Variants in SMPD4 observed in about 807,000 individuals in gnomAD.
The protein encoded by SMPD4 is neutral sphingomyelinase 3.
Under a neutral mutation model 97.8 loss-of-function variants are expected in SMPD4, and 58 were observed. The ratio of observed to expected loss-of-function variants is 0.59; its 90% CI spans 0.48 to 0.74. The LOEUF (loss-of-function observed/expected upper bound fraction) is 0.74, where lower values mean the gene tolerates loss of function less well. Among genes scored for constraint, SMPD4 ranks in the 30% least tolerant of loss-of-function variants. The pLI, the probability that SMPD4 is intolerant of heterozygous loss-of-function variation, is 0.00. For synonymous variants in SMPD4, 388 were observed against 450.0 expected (o/e 0.86, Z 1.74); for missense variants, 853 against 1,080.5 (o/e 0.79, Z 2.95).
At position 130,172,882 on chromosome 2, in the gene SMPD4, G is replaced by A. The variant is rs371365068; in HGVS notation, c.359C>T (p.Ala120Val). 8 of 1,612,038 alleles carry A rather than the reference G, an allele frequency of 5.0e-6. No individual in the cohort carries two copies. The highest frequency in any genetic ancestry group is 3.3e-5 in the South Asian group (3 of 90,900). ...PVSYLPGPVK[A>V]SIQECILPDS... ...AGGGAGGATGCACTCCTGGATGGAC[G>A]CCTTCACAGGACCCTGCAGAGAGAG... The change falls in exon 6 of 20, where the codon GCG becomes GTG. Residue 120 changes from alanine to valine, a missense_variant. By Grantham distance (64) the Ala-to-Val change is moderately conservative (BLOSUM62 0). Transcript: ENST00000680298.
At position 130,161,226 on chromosome 2, in the gene SMPD4, C is replaced by G. The variant is rs1251004663; in HGVS notation, c.911G>C (p.Ser304Thr). The G allele has an allele frequency of 1.2e-6, 2 of 1,613,758 alleles. No homozygotes were observed. The highest frequency in any genetic ancestry group is 2.7e-5 in the African/African-American group (2 of 74,906). Residue 304 changes from serine (S) to threonine (T), a missense_variant, in exon 11 of 20, where the codon AGC becomes ACC. By Grantham distance (58) the Ser-to-Thr change is moderately conservative. Transcript: ENST00000680298. ...GGCCTGGAGGCTGGGTTGGGCGGGG[C>G]TGTAGAGGGCGCTGGAGACACTGAG... ...YRLSVSSALY[S>T]PAQPSLQALH...
Position 130,153,929 on chromosome 2 carries a change from G to A in SMPD4, c.1666C>T (p.Arg556Cys), listed in dbSNP as rs375442627. 6.2e-6 allele frequency: 10 copies of A among 1,612,998 alleles called. No homozygotes were observed. The highest frequency in any genetic ancestry group is 1.7e-5 in the Admixed American group (1 of 59,984). ...GCCTGTGTGATGAGCTGAGCGAGGC[G>A]CAGGACCTGCAAGGGAGGCGCGGGC... is the stretch of plus-strand genomic sequence containing the variant. ...FGPEARTLVL[R>C]LAQLITQAKH... is the part of the protein sequence containing the mutation. Residue 556 changes from arginine to cysteine, a missense_variant, in exon 17 of 20, where the codon CGC becomes TGC. Transcript: ENST00000680298.
chr2:130,175,250 C>A (rs999337715), intron 2 of SMPD4, among the ~76,000 whole-genome samples: 1 of 152,140 alleles, frequency 6.6e-6, no homozygotes, highest in Non-Finnish European at 1.5e-5. Context: ...GAGTGCTGCA[C>A]ATGATCAGAA....
In SMPD4 at chr2:130,157,262, C is replaced by T. The variant is rs1344606973; in HGVS notation, c.1086G>A (p.Glu362=). 7 of 1,546,448 alleles carry T rather than the reference C, an allele frequency of 4.5e-6. No homozygotes were observed. In the South Asian group the frequency reaches 7.2e-5, roughly 16 times the overall value. The change falls in exon 12 of 20, where the codon GAG becomes GAA. Residue 362 remains glutamate, a synonymous_variant. Coordinates refer to ENST00000680298, the MANE Select transcript of SMPD4 (RefSeq NM_017951.5). The part of the protein sequence containing the change: ...SAHSHATSPL[E]EFKRAAVPRF... ...CAAGGGCCACCCACCGTTTGAACTC[C>T]TCCAGGGGGCTGGTGGCGTGGGAGT... is the stretch of plus-strand genomic sequence containing the variant.
chr2:130,172,969 C>T (rs1254437948), intron 5 of SMPD4, 74 bp from the exon 6 acceptor site: 2 of 1,534,226 alleles, frequency 1.3e-6, no homozygotes, highest in Non-Finnish European at 1.8e-6. Context: ...CCCACATGCA[C>T]AGCAGCACTT....
chr2:130,158,121 G>GAGTA (rs1401976731), intron 11 of SMPD4: 1 of 1,110,240 alleles, frequency 9.0e-7, no homozygotes, highest in East Asian at 6.1e-5. Context: ...GCGTGGGTGA[G>GAGTA]AGTAAGACCT....
intron 12 of SMPD4, 90 bp from the exon 13 acceptor site, chr2:130,156,765 G>C (rs1686840899): frequency 1.3e-6 from 2 of 1,556,272 alleles, no homozygotes; most frequent in South Asian, 2.4e-5. Flanking sequence ...GTGAGGGTTG[G>C]CTCCGCCGGG....
rs769086776 is a variant in SMPD4 at position 130,152,724 on chromosome 2, C to T, written c.2315G>A (p.Arg772His). ...CAGCGTCCGGTAACTGCCCAGGAAGCGCAGGCTGAGCCTGGGGCCGCGGGT... is the reference window on the plus strand; with the variant it reads ...CAGCGTCCGGTAACTGCCCAGGAAGTGCAGGCTGAGCCTGGGGCCGCGGGT... ...GHTRGPRLSL[R>H]FLGSYRTLVS... Residue 772 changes from arginine to histidine, a missense_variant, in exon 20 of 20, where the codon CGC (arginine) becomes CAC (histidine). By Grantham distance (29) the Arg-to-His change is conservative. Coordinates refer to ENST00000680298, the MANE Select transcript of SMPD4 (RefSeq NM_017951.5). 17 of 1,585,836 alleles carry T rather than the reference C, an allele frequency of 1.1e-5. No homozygotes were observed. The highest frequency in any genetic ancestry group is 3.6e-5 in the Admixed American group (2 of 55,202).
intron 3 of SMPD4, among the ~76,000 whole-genome samples, chr2:130,174,275 C>T (rs947400641): frequency 6.6e-6 from 1 of 152,162 alleles, no homozygotes; most frequent in Non-Finnish European, 1.5e-5. Flanking sequence ...CCCACCTCGG[C>T]CTCCCAAAGT....
intron 3 of SMPD4, 79 bp downstream of exon 3, chr2:130,174,835 G>A (rs1688816879): frequency 9.1e-7 from 1 of 1,095,054 alleles, no homozygotes; most frequent in Non-Finnish European, 1.4e-6. Context: ...GGGGCGGGGA[G>A]GGAAATTAGG....
Position 130,152,324 on chromosome 2 carries a change from C to T in SMPD4, c.*231G>A, listed in dbSNP as rs1686313087. ...GGAAAGGCCGCCGCTGAGCTCTGCG[C>T]TGTCACAGAGCGTAGCTGTTGAGCC... is the stretch of plus-strand genomic sequence containing the variant. On this transcript the variant is annotated 3_prime_UTR_variant, in exon 20 of 20. Coordinates refer to ENST00000680298, the MANE Select transcript of SMPD4 (RefSeq NM_017951.5). The T allele has an allele frequency of 3.6e-6, 2 of 559,096 alleles. No individual in the cohort carries two copies. The highest frequency in any genetic ancestry group is 6.3e-6 in the Non-Finnish European group (2 of 316,536). The allele number at this position is 559,096 out of a possible 1,614,324, so 34.6% of individuals were successfully genotyped here. A position where few individuals can be genotyped will look rare whatever the true frequency, so the allele number is the denominator to read the frequency against.
At chr2:130,170,866 G>A (rs1400633762) in intron 8 of SMPD4, among the ~76,000 whole-genome samples, 1 of 151,932 alleles carries the variant, frequency 6.6e-6, no homozygotes, top group Non-Finnish European at 1.5e-5. Flanking sequence ...TTTGAGGCCA[G>A]CCTGGCCAAC....
At chr2:130,165,931 G>A (rs1687885873) in intron 9 of SMPD4, among the ~76,000 whole-genome samples, 1 of 152,102 alleles carries the variant, frequency 6.6e-6, no homozygotes, top group Admixed American at 6.5e-5. Flanking sequence ...ACAACAACAT[G>A]ACTGTATTCA....
intron 8 of SMPD4, among the ~76,000 whole-genome samples, chr2:130,170,474 A>AAAAAAAAAAAAAAAAAAAAAAAT (rs1688347463): frequency 6.6e-6 from 1 of 150,468 alleles, no homozygotes; most frequent in East Asian, 1.9e-4. Context: ...AAAAAAAAAA[A>AAAAAAAAAAAAAAAAAAAAAAAT]GCACACAATG....
intron 2 of SMPD4, among the ~76,000 whole-genome samples, chr2:130,175,517 G>C (rs1452696469): frequency 2.0e-5 from 3 of 152,078 alleles, no homozygotes; most frequent in Admixed American, 6.6e-5. Flanking sequence ...GGTAGACACT[G>C]AACCACTAAA....
chr2:130,159,356 G>A (rs1406515588), intron 11 of SMPD4, among the ~76,000 whole-genome samples: 2 of 152,138 alleles, frequency 1.3e-5, no homozygotes, highest in African/African-American at 4.8e-5. Flanking sequence ...TTGGAAGAAA[G>A]GGCCAGGTGC....
chr2:130,158,326 T>A, intron 11 of SMPD4: 1 of 1,139,904 alleles, frequency 8.8e-7, no homozygotes, highest in Non-Finnish European at 1.1e-6. Context: ...AAACTTTTTT[T>A]TTTTTTCTTG....
intron 11 of SMPD4, among the ~76,000 whole-genome samples, chr2:130,158,681 T>C (rs935379538): frequency 2.0e-5 from 3 of 151,974 alleles, no homozygotes; most frequent in South Asian, 2.1e-4. Context: ...TTGTTTAGCA[T>C]TGGGAGGGCA....
chr2:130,153,801 G>A lies in SMPD4; in HGVS notation c.1794C>T (p.Ser598=), dbSNP rs1686477430. 6.2e-7 allele frequency: 1 copy of A among 1,614,038 alleles called. No homozygotes were observed. Among genetic ancestry groups the A allele is most frequent in the Non-Finnish European group, 8.5e-7 (1 of 1,179,880 alleles). The change falls in exon 17 of 20, where the codon TCC becomes TCT. Residue 598 remains serine (S), a synonymous_variant. Transcript: ENST00000680298. ...LGFSSMDTNG[S]YTANDLDEMG... is the part of the protein sequence containing the mutation. ...TCTCGTCCAGGTCGTTGGCTGTGTA[G>A]GAGCCATTGGTGTCCATGGAGCTAA... is the stretch of plus-strand genomic sequence containing the variant.
Sources: allele counts gnomAD v4.1 joint callset (sites outside exome capture counted in the v4.1 genomes callset), GRCh38; gene constraint gnomAD v4.1.1; transcripts MANE v1.5; gene names NCBI Gene and HGNC (gene_info 2026-07-23, HGNC 2026-07-21).